MARCHF6: variants seen among roughly 807,000 people sequenced by gnomAD.
MARCHF6 encodes the protein E3 ubiquitin-protein ligase MARCHF6.
In MARCHF6, 31 loss-of-function variants were observed where a neutral mutation model predicts 133.7. The ratio of observed to expected loss-of-function variants is 0.23; its 90% CI spans 0.17 to 0.31. The LOEUF is 0.31. Among genes scored for constraint, MARCHF6 ranks in the 10% least tolerant of loss-of-function variants. MARCHF6 has a pLI of 1.00. For missense variants in MARCHF6, 723 were observed against 1,121.6 expected (o/e 0.64, Z 5.08); for synonymous variants, 395 against 402.5 (o/e 0.98, Z 0.22).
At chr5:10,356,972 C>T (rs1735512102) in intron 1 of MARCHF6, among the ~76,000 whole-genome samples, 1 of 152,154 alleles carries the variant, frequency 6.6e-6, no homozygotes, top group Admixed American at 6.5e-5. Context: ...GTAAAATCAA[C>T]AGGTTTATAA....
At chr5:10,423,701 A>C (rs1429182877) in intron 22 of MARCHF6, 34 bp from the exon 23 acceptor site, 6 of 1,440,318 alleles carry the variant, frequency 4.2e-6, no homozygotes, top group African/African-American at 1.4e-5. Flanking sequence ...TTAAAAAACA[A>C]CAGAAATATG....
At chr5:10,432,942 A>G (rs1421566170) in intron 25 of MARCHF6, among the ~76,000 whole-genome samples, 1 of 134,006 alleles carries the variant, frequency 7.5e-6, no homozygotes, top group Non-Finnish European at 1.5e-5. Flanking sequence ...ACACTCTGTC[A>G]CCCAGACTGG....
At chr5:10,379,912 AG>A (rs1737026352) in intron 3 of MARCHF6, among the ~76,000 whole-genome samples, 1 of 152,094 alleles carries the variant, frequency 6.6e-6, no homozygotes, top group Admixed American at 6.6e-5. Flanking sequence ...GGCCAAACAA[AG>A]TTTTAAATTA....
Position 10,397,285 on chromosome 5 carries a change from T to C in MARCHF6, c.862-8T>C, listed in dbSNP as rs1347863857. 6.4e-7 allele frequency: 1 copy of C among 1,565,776 alleles called. No individual in the cohort carries two copies. Among genetic ancestry groups the C allele is most frequent in the East Asian group, 2.3e-5 (1 of 43,780 alleles). ...TGAATATGCTTTATTGATGCTTTTT[T>C]CCTTTAGGAACATGTCTTCTGGGTG... On this transcript the variant is annotated splice_region_variant and splice_polypyrimidine_tract_variant and intron_variant, in intron 9 of 25. Transcript: ENST00000274140.
At chr5:10,368,849 A>T (rs1438709905) in intron 1 of MARCHF6, among the ~76,000 whole-genome samples, 2 of 152,118 alleles carry the variant, frequency 1.3e-5, no homozygotes, top group African/African-American at 4.8e-5. Context: ...TTGGGATTAC[A>T]GGCGTGAGCC....
intron 1 of MARCHF6, among the ~76,000 whole-genome samples, chr5:10,375,839 C>T (rs1046491141): frequency 1.3e-5 from 2 of 152,074 alleles, no homozygotes; most frequent in Non-Finnish European, 2.9e-5. Flanking sequence ...TGTAAACACA[C>T]CAATCAGCAC....
chr5:10,420,193 T>A (rs1348994559), intron 22 of MARCHF6, among the ~76,000 whole-genome samples: 1 of 152,206 alleles, frequency 6.6e-6, no homozygotes, highest in Non-Finnish European at 1.5e-5. Context: ...AACAAGAAGC[T>A]GCATCATCTT....
At chr5:10,423,918 C>T in intron 23 of MARCHF6, 94 bp downstream of exon 23, 1 of 817,754 alleles carries the variant, frequency 1.2e-6, no homozygotes. Flanking sequence ...TCCTACCTTG[C>T]TGAGTTTTCT....
At position 10,430,033 on chromosome 5, in the gene MARCHF6, G is replaced by A. The variant is rs2126367591; in HGVS notation, c.2642+5G>A. On this transcript the variant is annotated splice_donor_5th_base_variant and intron_variant, in intron 25 of 25. Coordinates refer to ENST00000274140, the MANE Select transcript of MARCHF6 (RefSeq NM_005885.4). ...TGAACATATTAAAAATGACAAGTAA[G>A]TCTGGCGTTCTGTTCGTCTCTTGTT... 10 of 1,606,252 alleles carry A rather than the reference G, an allele frequency of 6.2e-6. No homozygotes were observed. The highest frequency in any genetic ancestry group is 8.5e-6 in the Non-Finnish European group (10 of 1,174,048).
intron 1 of MARCHF6, among the ~76,000 whole-genome samples, chr5:10,376,389 A>C (rs1184489588): frequency 6.6e-6 from 1 of 151,944 alleles, no homozygotes; most frequent in African/African-American, 2.4e-5. Context: ...AGAAGGAAGA[A>C]ACTCCGAACA....
intron 1 of MARCHF6, among the ~76,000 whole-genome samples, chr5:10,371,610 A>G (rs928589129): frequency 6.6e-6 from 1 of 152,170 alleles, no homozygotes; most frequent in Non-Finnish European, 1.5e-5. Flanking sequence ...ACTTGCCCCC[A>G]TGATTCAATT....
At chr5:10,360,213 C>T (rs1371495645) in intron 1 of MARCHF6, among the ~76,000 whole-genome samples, 1 of 146,656 alleles carries the variant, frequency 6.8e-6, no homozygotes, top group African/African-American at 2.5e-5. Flanking sequence ...ACAGTGGCAC[C>T]ATCTCAGCTC....
intron 1 of MARCHF6, among the ~76,000 whole-genome samples, chr5:10,371,447 T>A (rs1736458829): frequency 6.6e-6 from 1 of 152,180 alleles, no homozygotes; most frequent in Admixed American, 6.5e-5. Context: ...TGGGGAAGCC[T>A]CACAATCATG....
At chr5:10,397,164 A>G (rs113432478) in intron 9 of MARCHF6, 129 bp from the exon 10 acceptor site, 3 of 604,300 alleles carry the variant, frequency 5.0e-6, no homozygotes, top group African/African-American at 1.9e-5. Flanking sequence ...GAAATCCCAA[A>G]ACAATAGAGG....
chr5:10,398,848 A>G (rs1479413921), intron 10 of MARCHF6, among the ~76,000 whole-genome samples: 1 of 152,202 alleles, frequency 6.6e-6, no homozygotes, highest in Non-Finnish European at 1.5e-5. Context: ...TTGAAATGAA[A>G]CAAGTTTTCT....
At chr5:10,372,620 T>C (rs1736538685) in intron 1 of MARCHF6, among the ~76,000 whole-genome samples, 1 of 152,320 alleles carries the variant, frequency 6.6e-6, no homozygotes, top group African/African-American at 2.4e-5. Flanking sequence ...GTTCTTCCTC[T>C]TGACGAACTC....
At chr5:10,358,803 T>TTG (rs1735638668) in intron 1 of MARCHF6, among the ~76,000 whole-genome samples, 1 of 152,222 alleles carries the variant, frequency 6.6e-6, no homozygotes, top group South Asian at 2.1e-4. Flanking sequence ...GATACTAGTC[T>TTG]TTTACTCACT....
intron 10 of MARCHF6, 140 bp downstream of exon 10, chr5:10,397,484 A>T (rs1738264086): frequency 1.3e-5 from 8 of 595,970 alleles, no homozygotes; most frequent in Non-Finnish European, 2.7e-6. Flanking sequence ...TCAGATACAA[A>T]CCCTGTATAG....
intron 10 of MARCHF6, among the ~76,000 whole-genome samples, chr5:10,398,988 G>A (rs940653668): frequency 1.3e-5 from 2 of 152,222 alleles, no homozygotes; most frequent in Non-Finnish European, 2.9e-5. Context: ...ATGCTTTGCA[G>A]AAATATAATT....
Sources: allele counts gnomAD v4.1 joint callset (sites outside exome capture counted in the v4.1 genomes callset), GRCh38; gene constraint gnomAD v4.1.1; transcripts MANE v1.5; gene names NCBI Gene and HGNC (gene_info 2026-07-23, HGNC 2026-07-21).